The following BCAS3 variants were observed in gnomAD, a reference collection of about 807,000 sequenced individuals.
BCAS3 encodes BCAS3 microtubule associated cell migration factor.
In BCAS3, 53 loss-of-function variants were observed where a neutral mutation model predicts 116.1. The observed-to-expected ratio is 0.46, with a 90% CI of 0.37 to 0.57. The LOEUF (loss-of-function observed/expected upper bound fraction) is 0.57, where lower values mean the gene tolerates loss of function less well. BCAS3 is among the 20% of genes least tolerant of loss of function. The pLI is 0.00. For synonymous variants in BCAS3, 391 were observed against 408.2 expected (o/e 0.96, Z 0.51); for missense variants, 917 against 1,165.4 (o/e 0.79, Z 3.10).
chr17:61,293,670 GA>G (rs2052648524), intron 22 of BCAS3, among the ~76,000 whole-genome samples: 1 of 152,206 alleles, frequency 6.6e-6, no homozygotes, highest in Non-Finnish European at 1.5e-5. Context: ...TGTCAAGTAT[GA>G]AAGAGAGAAG....
intron 22 of BCAS3, among the ~76,000 whole-genome samples, chr17:61,174,618 G>A (rs72832572): frequency 0.11 from 16,671 of 152,268 alleles, 1,166 homozygotes; most frequent in Non-Finnish European, 0.16. Flanking sequence ...TAATGAACAT[G>A]AGAGCACAGA....
Position 61,041,826 on chromosome 17 carries a change from ATAT to A in BCAS3, c.2029+939_2029+941del, listed in dbSNP as rs2067534145. ...CAATAGTTGGCAGTCTTGCTCTCTC[ATAT>A]TATTGTTGAACTCTCTGCTTTTTCT... On this transcript the variant is annotated intron_variant, in intron 19 of 23. Coordinates refer to ENST00000407086, the MANE Select transcript of BCAS3 (RefSeq NM_017679.5). This position sits in a 1 kb window ranked among gnomAD's most constrained non-coding sequence, Gnocchi z 4.7. Among the ~76,000 whole-genome samples the A allele has an allele frequency of 6.6e-6, 1 of 152,006 alleles. No individual in the cohort carries two copies. Among genetic ancestry groups the A allele is most frequent in the Admixed American group, 6.6e-5 (1 of 15,256 alleles).
intron 7 of BCAS3, among the ~76,000 whole-genome samples, chr17:60,860,988 A>G (rs1222408941): frequency 2.0e-5 from 3 of 152,094 alleles, no homozygotes; most frequent in Admixed American, 2.0e-4. Flanking sequence ...TTTTGGTCTC[A>G]TATGAATTTT....
chr17:60,717,061 A>T (rs1337891610), intron 5 of BCAS3, among the ~76,000 whole-genome samples: 2 of 152,104 alleles, frequency 1.3e-5, no homozygotes, highest in Non-Finnish European at 2.9e-5. Context: ...TTGCTCTTTT[A>T]TATACGATGG....
chr17:61,180,692 G>A lies in BCAS3; in HGVS notation c.2425+96128G>A, dbSNP rs2079429076. Among the ~76,000 whole-genome samples, 1 of 152,254 alleles carries A rather than the reference G, an allele frequency of 6.6e-6. No individual in the cohort carries two copies. Among genetic ancestry groups the A allele is most frequent in the African/African-American group, 2.4e-5 (1 of 41,470 alleles). On this transcript the variant is annotated intron_variant, in intron 22 of 23. Transcript: ENST00000407086. This position sits in a 1 kb window ranked among gnomAD's most constrained non-coding sequence, Gnocchi z 6.0. ...CAGTCCCATGCTTCGTGTCTGCACA[G>A]TGGAACATAAAGCAGCAGCTTAGAT...
intron 22 of BCAS3, among the ~76,000 whole-genome samples, chr17:61,340,109 G>A (rs1568892739): frequency 1.3e-5 from 2 of 152,320 alleles, no homozygotes; most frequent in East Asian, 3.9e-4. Context: ...GAAAGCAGTT[G>A]TAGACAGCAA....
At chr17:61,320,072 T>G (rs546797512) in intron 22 of BCAS3, among the ~76,000 whole-genome samples, 1 of 151,846 alleles carries the variant, frequency 6.6e-6, no homozygotes, top group East Asian at 2.0e-4. Flanking sequence ...CTATTTTTAG[T>G]AGAGACAGGG....
At chr17:61,330,146 G>A (rs1488325523) in intron 22 of BCAS3, among the ~76,000 whole-genome samples, 3 of 152,086 alleles carry the variant, frequency 2.0e-5, no homozygotes, top group Non-Finnish European at 4.4e-5. Flanking sequence ...CTTTTCATAG[G>A]CTGAGAGAAG....
rs182371967 is a variant in BCAS3, at chr17:61,034,458, G to C, written c.1638-208G>C. On this transcript the variant is annotated intron_variant, in intron 16 of 23. Coordinates refer to ENST00000407086, the MANE Select transcript of BCAS3 (RefSeq NM_017679.5). The surrounding 1 kb of genome is among the most constrained non-coding windows in gnomAD (Gnocchi z 5.0). ...GATTTTTATTGGTCTTATAAATGTTGCTCTCTTTACAAAACTCTGGAACTT... is the reference window on the plus strand; with the variant it reads ...GATTTTTATTGGTCTTATAAATGTTCCTCTCTTTACAAAACTCTGGAACTT... Among the ~76,000 whole-genome samples, 49 of 152,174 alleles carry C rather than the reference G, an allele frequency of 3.2e-4. No homozygotes were observed. Among genetic ancestry groups the C allele is most frequent in the African/African-American group, 1.1e-3 (46 of 41,510 alleles).
chr17:61,270,540 A>G (rs1568716518), intron 22 of BCAS3, among the ~76,000 whole-genome samples: 1 of 152,064 alleles, frequency 6.6e-6, no homozygotes, highest in Middle Eastern at 3.2e-3. Flanking sequence ...CTTCCACTTT[A>G]TAGGCTGCCT....
intron 6 of BCAS3, among the ~76,000 whole-genome samples, chr17:60,750,008 A>G (rs2042317279): frequency 2.0e-5 from 3 of 152,182 alleles, no homozygotes. Context: ...TCTACTAAAA[A>G]TACAAAAAAT....
chr17:61,215,876 G>C lies in BCAS3; in HGVS notation c.2425+131312G>C, dbSNP rs2081753723. On this transcript the variant is annotated intron_variant, in intron 22 of 23. Transcript: ENST00000407086. This position sits in a 1 kb window ranked among gnomAD's most constrained non-coding sequence, Gnocchi z 4.8. Reference sequence around the variant, plus strand: ...TTTTCAGACTCCCTGAGTAATTCTAGTGTACAGCCAGATTTGAAAACCTTT... The same window carrying C: ...TTTTCAGACTCCCTGAGTAATTCTACTGTACAGCCAGATTTGAAAACCTTT... 6.6e-6 allele frequency among the ~76,000 whole-genome samples: 1 copy of C among 152,166 alleles called. No homozygotes were observed. The highest frequency in any genetic ancestry group is 1.5e-5 in the Non-Finnish European group (1 of 68,022).
intron 22 of BCAS3, among the ~76,000 whole-genome samples, chr17:61,236,157 T>C (rs898631229): frequency 6.6e-6 from 1 of 152,186 alleles, no homozygotes; most frequent in Non-Finnish European, 1.5e-5. Flanking sequence ...GTGCCAGCTA[T>C]CATACGTCAG....
intron 14 of BCAS3, among the ~76,000 whole-genome samples, chr17:60,950,950 G>A (rs1314109449): frequency 6.6e-6 from 1 of 152,134 alleles, no homozygotes; most frequent in Non-Finnish European, 1.5e-5. Flanking sequence ...ACCTTCTTGC[G>A]TTGCATAGTG....
intron 5 of BCAS3, among the ~76,000 whole-genome samples, chr17:60,721,460 A>G (rs540257513): frequency 1.3e-5 from 2 of 152,308 alleles, no homozygotes; most frequent in African/African-American, 4.8e-5. Context: ...TATGTTTCTT[A>G]AAGTATCACT....
At chr17:60,958,183 C>T (rs887946784) in intron 14 of BCAS3, among the ~76,000 whole-genome samples, 10 of 152,100 alleles carry the variant, frequency 6.6e-5, no homozygotes, top group Non-Finnish European at 1.5e-4. Flanking sequence ...CATAGATTCT[C>T]AATACACTGG....
At chr17:60,839,449 C>T (rs1311407575) in intron 7 of BCAS3, among the ~76,000 whole-genome samples, 1 of 152,068 alleles carries the variant, frequency 6.6e-6, no homozygotes, top group Non-Finnish European at 1.5e-5. Context: ...TCACTTACCC[C>T]TTTGTGCCTG....
chr17:60,735,152 CT>C (rs1420500300), intron 5 of BCAS3, among the ~76,000 whole-genome samples: 1 of 152,014 alleles, frequency 6.6e-6, no homozygotes. Context: ...AAGAAAGTGA[CT>C]TTTGTGTATT....
At chr17:60,917,864 A>T (rs2058855619) in intron 12 of BCAS3, among the ~76,000 whole-genome samples, 1 of 152,294 alleles carries the variant, frequency 6.6e-6, no homozygotes, top group Middle Eastern at 3.4e-3. Context: ...AAGTGCTGGG[A>T]TTACAAGCAT....
Sources: allele counts gnomAD v4.1 joint callset (sites outside exome capture counted in the v4.1 genomes callset), GRCh38; gene constraint gnomAD v4.1.1; non-coding constraint Gnocchi (gnomAD v3.1); transcripts MANE v1.5; gene names NCBI Gene and HGNC (gene_info 2026-07-23, HGNC 2026-07-21).